Variants in EXOSC6 observed in about 807,000 individuals in gnomAD.
EXOSC6 encodes exosome complex component MTR3.
EXOSC6 carries 21 observed loss-of-function variants against 16.7 expected under a neutral mutation model. That is an observed-to-expected ratio of 1.26 (90% confidence interval 0.89 to 1.82). The LOEUF is 1.82. EXOSC6 is among the 40% of genes most tolerant of loss of function. The pLI, the probability that EXOSC6 is intolerant of heterozygous loss-of-function variation, is 0.00. For missense variants in EXOSC6, 538 were observed against 415.7 expected (o/e 1.29, Z -2.56); for synonymous variants, 297 against 217.1 (o/e 1.37, Z -3.24).
rs975479041 is a variant in EXOSC6, at chr16:70,247,600, C to T, written c.*3482G>A. The T allele has an allele frequency of 2.0e-5, 3 of 152,004 alleles. No homozygotes were observed. The highest frequency in any genetic ancestry group is 4.8e-5 in the African/African-American group (2 of 41,392). The allele number at this position is 152,004 out of a possible 1,614,324, so 9.4% of individuals were successfully genotyped here. ...TGAATAACATGCAGGCTCAGGTTAC[C>T]ATTATACATAAATTTTTAAAATAAA... is the stretch of plus-strand genomic sequence containing the variant. On this transcript the variant is annotated 3_prime_UTR_variant, in exon 1 of 1. Coordinates refer to ENST00000435634, the MANE Select transcript of EXOSC6 (RefSeq NM_058219.3).
In EXOSC6 at chr16:70,247,688, GA is replaced by G. The variant is rs1959721135; in HGVS notation, c.*3393del. On this transcript the variant is annotated 3_prime_UTR_variant, in exon 1 of 1. Transcript: ENST00000435634. ...AATATTTATTTTGCAGCTGTTAAAA[GA>G]CATTTTTCCCTAAAAAAAGAAAAGC... 6.6e-6 allele frequency: 1 copy of G among 152,030 alleles called. No individual in the cohort carries two copies. The highest frequency in any genetic ancestry group is 1.5e-5 in the Non-Finnish European group (1 of 68,000). 9.4% of individuals were successfully genotyped at this position (152,030 alleles called of 1,614,324 possible).
In EXOSC6 at chr16:70,250,775, A is replaced by G. The variant is rs966723138; in HGVS notation, c.*307T>C. ...TTGGGAGGCCAAGGCAGGAGGATCA[A>G]TCAAGGCTAGGAGTTTGAGACTGCA... On this transcript the variant is annotated 3_prime_UTR_variant, in exon 1 of 1. Coordinates refer to ENST00000435634, the MANE Select transcript of EXOSC6 (RefSeq NM_058219.3). 3.9e-5 allele frequency: 13 copies of G among 331,246 alleles called. No homozygotes were observed. The highest frequency in any genetic ancestry group is 2.1e-4 in the African/African-American group (10 of 47,080). 20.5% of individuals were successfully genotyped at this position (331,246 alleles called of 1,614,324 possible). A position where few individuals can be genotyped will look rare whatever the true frequency, so the allele number is the denominator to read the frequency against.
Position 70,246,839 on chromosome 16 carries a change from T to TA in EXOSC6, c.*4242dup. The TA allele has an allele frequency of 1.7e-6, 1 of 573,094 alleles. No individual in the cohort carries two copies. Among genetic ancestry groups the TA allele is most frequent in the Non-Finnish European group, 3.1e-6 (1 of 323,722 alleles). The allele number at this position is 573,094 out of a possible 1,614,324, so 35.5% of individuals were successfully genotyped here. ...TATTTTAAGGTACGAACGTCAGAAATAAAAATGCAGCATTTAACCCTGGAA... is the reference window on the plus strand; with the variant it reads ...TATTTTAAGGTACGAACGTCAGAAATAAAAAATGCAGCATTTAACCCTGGAA... On this transcript the variant is annotated 3_prime_UTR_variant, in exon 1 of 1. Transcript: ENST00000435634.
Position 70,251,741 on chromosome 16 carries a change from A to C in EXOSC6, c.160T>G (p.Tyr54Asp). The C allele has an allele frequency of 1.4e-6, 2 of 1,403,044 alleles. No individual in the cohort carries two copies. The highest frequency in any genetic ancestry group is 1.8e-6 in the Non-Finnish European group (2 of 1,089,934). 86.9% of individuals were successfully genotyped at this position (1,403,044 alleles called of 1,614,324 possible). A position where few individuals can be genotyped will look rare whatever the true frequency, so the allele number is the denominator to read the frequency against. The change falls in exon 1 of 1, where the codon TAC becomes GAC. Residue 54 changes from tyrosine to aspartate, a missense_variant. Tyr to Asp is a radical substitution (Grantham distance 160). Coordinates refer to ENST00000435634, the MANE Select transcript of EXOSC6 (RefSeq NM_058219.3). Reference protein sequence around the residue: ...GLLSQAKGSAYLEAGGTKVLC... With the variant: ...GLLSQAKGSADLEAGGTKVLC... ...ACCTTGGTGCCTCCCGCCTCCAGGT[A>C]GGCCGAGCCCTTGGCCTGGCTCAGC...
At position 70,247,871 on chromosome 16, in the gene EXOSC6, T is replaced by C. The variant is rs1423187603; in HGVS notation, c.*3211A>G. 6.6e-6 allele frequency: 1 copy of C among 152,074 alleles called. No individual in the cohort carries two copies. Among genetic ancestry groups the C allele is most frequent in the African/African-American group, 2.4e-5 (1 of 41,376 alleles). 9.4% of individuals were successfully genotyped at this position (152,074 alleles called of 1,614,324 possible). A position where few individuals can be genotyped will look rare whatever the true frequency, so the allele number is the denominator to read the frequency against. Reference sequence around the variant, plus strand: ...GGAGTTCAAGACCAGTCTGGCCAGCTCGATGAAACTCCGTCTCTACTAAAA... The same window carrying C: ...GGAGTTCAAGACCAGTCTGGCCAGCCCGATGAAACTCCGTCTCTACTAAAA... On this transcript the variant is annotated 3_prime_UTR_variant, in exon 1 of 1. Transcript: ENST00000435634.
Position 70,251,368 on chromosome 16 carries a change from TC to T in EXOSC6, c.532del (p.Asp178ThrfsTer42). ...ALADAGVEMY[D>X]LVVGCGLSLA... is the part of the protein sequence containing the mutation. ...GCTGAGGCCGCAGCCCACCACCAGGTCGTACATCTCCACGCCCGCGTCGGCC... is the reference window on the plus strand; with the variant it reads ...GCTGAGGCCGCAGCCCACCACCAGGTGTACATCTCCACGCCCGCGTCGGCC... On this transcript the variant is annotated frameshift_variant, in exon 1 of 1. Coordinates refer to ENST00000435634, the MANE Select transcript of EXOSC6 (RefSeq NM_058219.3). LOFTEE classifies it high-confidence loss of function. 1 of 1,378,116 alleles carries T rather than the reference TC, an allele frequency of 7.3e-7. No individual in the cohort carries two copies. Among genetic ancestry groups the T allele is most frequent in the Non-Finnish European group, 9.3e-7 (1 of 1,071,796 alleles). The allele number at this position is 1,378,116 out of a possible 1,614,324, so 85.4% of individuals were successfully genotyped here.
rs1043426494 is a variant in EXOSC6, at chr16:70,251,612, G to A, written c.289C>T (p.Leu97Phe). The stretch of plus-strand genomic sequence containing the variant: ...AAGGGTGCGCGGCGGAAGTCGCAGA[G>A]CAGGCGACCGCGCAGCGCGGCCGGG... ...EAPAALRGRL[L>F]CDFRRAPFAG... The change falls in exon 1 of 1, where the codon CTC becomes TTC. Residue 97 changes from leucine to phenylalanine, a missense_variant. Coordinates refer to ENST00000435634, the MANE Select transcript of EXOSC6 (RefSeq NM_058219.3). 4.7e-6 allele frequency: 5 copies of A among 1,068,078 alleles called. No homozygotes were observed. The African/African-American group carries it at 5.1e-5, about 11-fold the overall frequency. The allele number at this position is 1,068,078 out of a possible 1,614,324, so 66.2% of individuals were successfully genotyped here.
Position 70,251,152 on chromosome 16 carries a change from C to T in EXOSC6, c.749G>A (p.Arg250His), listed in dbSNP as rs1959806470. The part of the protein sequence containing the change: ...AVRLGLEGCQ[R>H]LYPVLQQSLV... ...GCTCTGCTGCAGCACGGGGTAGAGG[C>T]GCTGGCAGCCCTCGAGGCCCAGGCG... The change falls in exon 1 of 1, where the codon CGC (arginine) becomes CAC (histidine). Residue 250 changes from arginine to histidine, a missense_variant. Arg to His is a conservative substitution (Grantham distance 29, BLOSUM62 0). Transcript: ENST00000435634. The T allele has an allele frequency of 1.3e-6, 2 of 1,533,870 alleles. No individual in the cohort carries two copies. The highest frequency in any genetic ancestry group is 1.4e-5 in the African/African-American group (1 of 70,072).
At position 70,249,011 on chromosome 16, in the gene EXOSC6, C is replaced by T; in HGVS notation, c.*2071G>A. Reference sequence around the variant, plus strand: ...TACCCAAAATAAAGCATATCAAAAACTGTAAAAAAAAAAAAAAAAAACCCT... The same window carrying T: ...TACCCAAAATAAAGCATATCAAAAATTGTAAAAAAAAAAAAAAAAAACCCT... On this transcript the variant is annotated 3_prime_UTR_variant, in exon 1 of 1. Transcript: ENST00000435634. The T allele has an allele frequency of 8.7e-6, 1 of 114,862 alleles. No individual in the cohort carries two copies. The highest frequency in any genetic ancestry group is 4.6e-5 in the African/African-American group (1 of 21,536). The allele number at this position is 114,862 out of a possible 1,614,324, so 7.1% of individuals were successfully genotyped here. A position where few individuals can be genotyped will look rare whatever the true frequency, so the allele number is the denominator to read the frequency against.
In EXOSC6 at chr16:70,248,156, AG is replaced by A. The variant is rs1481874575; in HGVS notation, c.*2925del. 25 of 152,350 alleles carry A rather than the reference AG, an allele frequency of 1.6e-4. No individual in the cohort carries two copies. Among genetic ancestry groups the A allele is most frequent in the Middle Eastern group, 3.4e-3 (1 of 294 alleles). The allele number at this position is 152,350 out of a possible 1,614,324, so 9.4% of individuals were successfully genotyped here. A position where few individuals can be genotyped will look rare whatever the true frequency, so the allele number is the denominator to read the frequency against. Reference sequence around the variant, plus strand: ...CTAAAAATCATTTAAAAGACATCTTAGGGGTAATTACAGAAATTTGAATATA... The same window carrying A: ...CTAAAAATCATTTAAAAGACATCTTAGGGTAATTACAGAAATTTGAATATA... On this transcript the variant is annotated 3_prime_UTR_variant, in exon 1 of 1. Coordinates refer to ENST00000435634, the MANE Select transcript of EXOSC6 (RefSeq NM_058219.3).
In EXOSC6 at chr16:70,251,354, AGCCCACCACCAG is replaced by A; in HGVS notation, c.535_546del (p.Leu179_Gly182del). On this transcript the variant is annotated inframe_deletion, in exon 1 of 1. Coordinates refer to ENST00000435634, the MANE Select transcript of EXOSC6 (RefSeq NM_058219.3). Reference sequence around the variant, plus strand: ...GGCCCCGGCGCGAGGCTGAGGCCGCAGCCCACCACCAGGTCGTACATCTCCACGCCCGCGTCG... The same window carrying A: ...GGCCCCGGCGCGAGGCTGAGGCCGCAGTCGTACATCTCCACGCCCGCGTCG... 1 of 1,381,712 alleles carries A rather than the reference AGCCCACCACCAG, an allele frequency of 7.2e-7. No homozygotes were observed. The highest frequency in any genetic ancestry group is 9.3e-7 in the Non-Finnish European group (1 of 1,073,694). 85.6% of individuals were successfully genotyped at this position (1,381,712 alleles called of 1,614,324 possible). A position where few individuals can be genotyped will look rare whatever the true frequency, so the allele number is the denominator to read the frequency against.
chr16:70,251,284 C>A lies in EXOSC6; in HGVS notation c.617G>T (p.Arg206Leu). Reference protein sequence around the residue: ...LLDPTRLEEERAAAGLTVALM... With the variant: ...LLDPTRLEEELAAAGLTVALM... Reference sequence around the variant, plus strand: ...CGCCACGGTGAGGCCGGCGGCGGCGCGCTCTTCCTCGAGCCGCGTGGGGTC... The same window carrying A: ...CGCCACGGTGAGGCCGGCGGCGGCGAGCTCTTCCTCGAGCCGCGTGGGGTC... The change falls in exon 1 of 1, where the codon CGC becomes CTC. Residue 206 changes from arginine (R) to leucine (L), a missense_variant. Transcript: ENST00000435634. 1 of 1,432,284 alleles carries A rather than the reference C, an allele frequency of 7.0e-7. No homozygotes were observed. The highest frequency in any genetic ancestry group is 9.1e-7 in the Non-Finnish European group (1 of 1,098,262). 88.7% of individuals were successfully genotyped at this position (1,432,284 alleles called of 1,614,324 possible). A position where few individuals can be genotyped will look rare whatever the true frequency, so the allele number is the denominator to read the frequency against.
In EXOSC6 at chr16:70,248,242, G is replaced by T. The variant is rs1426814277; in HGVS notation, c.*2840C>A. The stretch of plus-strand genomic sequence containing the variant: ...ATGATTACAATATTCTTGTTATACA[G>T]AAGAAAAACCTTATTCTTGGGAGAT... On this transcript the variant is annotated 3_prime_UTR_variant, in exon 1 of 1. Coordinates refer to ENST00000435634, the MANE Select transcript of EXOSC6 (RefSeq NM_058219.3). 1 of 152,038 alleles carries T rather than the reference G, an allele frequency of 6.6e-6. No homozygotes were observed. The highest frequency in any genetic ancestry group is 2.4e-5 in the African/African-American group (1 of 41,398). The allele number at this position is 152,038 out of a possible 1,614,324, so 9.4% of individuals were successfully genotyped here.
In EXOSC6 at chr16:70,251,286, C is replaced by G; in HGVS notation, c.615G>C (p.Glu205Asp). 7 of 1,432,738 alleles carry G rather than the reference C, an allele frequency of 4.9e-6. No individual in the cohort carries two copies. Among genetic ancestry groups the G allele is most frequent in the Non-Finnish European group, 6.4e-6 (7 of 1,098,464 alleles). The allele number at this position is 1,432,738 out of a possible 1,614,324, so 88.8% of individuals were successfully genotyped here. ...CCACGGTGAGGCCGGCGGCGGCGCG[C>G]TCTTCCTCGAGCCGCGTGGGGTCCA... ...WLLDPTRLEEERAAAGLTVAL... is the reference protein window; with the variant it reads ...WLLDPTRLEEDRAAAGLTVAL... Residue 205 changes from glutamate (E) to aspartate (D), a missense_variant, in exon 1 of 1, where the codon GAG (glutamate) becomes GAC (aspartate). Physicochemically the swap from Glu to Asp is conservative, Grantham distance 45. Transcript: ENST00000435634.
rs972485339 is a variant in EXOSC6 at position 70,251,399 on chromosome 16, CGAGCGCGGCGGCGGT to C, written c.487_501del (p.Thr163_Leu167del). The stretch of plus-strand genomic sequence containing the variant: ...ATCTCCACGCCCGCGTCGGCCAGGG[CGAGCGCGGCGGCGGT>C]GAGCGCGGCGGCCAGGGCCGAGCCA... On this transcript the variant is annotated inframe_deletion, in exon 1 of 1. Transcript: ENST00000435634. 37 of 1,343,686 alleles carry C rather than the reference CGAGCGCGGCGGCGGT, an allele frequency of 2.8e-5. No homozygotes were observed. Among genetic ancestry groups the C allele is most frequent in the Middle Eastern group, 2.8e-4 (1 of 3,636 alleles). The allele number at this position is 1,343,686 out of a possible 1,614,324, so 83.2% of individuals were successfully genotyped here.
Position 70,251,003 on chromosome 16 carries a change from A to G in EXOSC6, c.*79T>C. ...TCCAGGAATTCTCGACGCAAACTGG[A>G]GGCCGATGGCGCGGGTCTTTTCGTG... On this transcript the variant is annotated 3_prime_UTR_variant, in exon 1 of 1. Transcript: ENST00000435634. The G allele has an allele frequency of 7.1e-7, 1 of 1,415,966 alleles. No homozygotes were observed. The highest frequency in any genetic ancestry group is 9.2e-7 in the Non-Finnish European group (1 of 1,089,592). The allele number at this position is 1,415,966 out of a possible 1,614,324, so 87.7% of individuals were successfully genotyped here.
chr16:70,248,036 T>C lies in EXOSC6; in HGVS notation c.*3046A>G, dbSNP rs1139907. The stretch of plus-strand genomic sequence containing the variant: ...TGCCACTGCCCTCCAGCTTGGACAA[T>C]AGAGCAAGATTTCGTCTCAAAAAAA... On this transcript the variant is annotated 3_prime_UTR_variant, in exon 1 of 1. Coordinates refer to ENST00000435634, the MANE Select transcript of EXOSC6 (RefSeq NM_058219.3). 2.2e-3 allele frequency: 327 copies of C among 152,074 alleles called. 1 individual carries two copies. The highest frequency in any genetic ancestry group is 7.4e-3 in the African/African-American group (306 of 41,464). 9.4% of individuals were successfully genotyped at this position (152,074 alleles called of 1,614,324 possible).
At position 70,250,208 on chromosome 16, in the gene EXOSC6, T is replaced by A. The variant is rs1330654428; in HGVS notation, c.*874A>T. The stretch of plus-strand genomic sequence containing the variant: ...GAATAAATAGCAAATGAATGAAAAC[T>A]AGAAGCAAAAACAAACAGGAAACCA... On this transcript the variant is annotated 3_prime_UTR_variant, in exon 1 of 1. Coordinates refer to ENST00000435634, the MANE Select transcript of EXOSC6 (RefSeq NM_058219.3). The A allele has an allele frequency of 6.6e-6, 1 of 151,850 alleles. No individual in the cohort carries two copies. The highest frequency in any genetic ancestry group is 6.6e-5 in the Admixed American group (1 of 15,262). The allele number at this position is 151,850 out of a possible 1,614,324, so 9.4% of individuals were successfully genotyped here. A position where few individuals can be genotyped will look rare whatever the true frequency, so the allele number is the denominator to read the frequency against.
In EXOSC6 at chr16:70,251,211, C is replaced by T; in HGVS notation, c.690G>A (p.Glu230=). 6 of 1,509,958 alleles carry T rather than the reference C, an allele frequency of 4.0e-6. No homozygotes were observed. Among genetic ancestry groups the T allele is most frequent in the Non-Finnish European group, 4.4e-6 (5 of 1,136,782 alleles). The allele number at this position is 1,509,958 out of a possible 1,614,324, so 93.5% of individuals were successfully genotyped here. ...CCGCCCAGCTCTCTGTCAGGCCGCC[C>T]TCGCCGCTGCCCAGCAGCCCGGCCA... The part of the protein sequence containing the change: ...NQVAGLLGSG[E]GGLTESWAEA... The change falls in exon 1 of 1, where the codon GAG becomes GAA. Residue 230 remains glutamate, a synonymous_variant. Coordinates refer to ENST00000435634, the MANE Select transcript of EXOSC6 (RefSeq NM_058219.3).
Sources: gnomAD v4.1 joint callset for allele counts on GRCh38, gnomAD v4.1.1 for gene constraint, MANE v1.5 for transcripts, NCBI Gene and HGNC (gene_info 2026-07-23, HGNC 2026-07-21) for gene names.